The following RBM27 variants were observed in gnomAD, a reference collection of about 807,000 sequenced individuals.
RBM27 encodes RNA binding motif protein 27.
RBM27 carries 22 observed loss-of-function variants against 135.3 expected under a neutral mutation model. The observed-to-expected ratio is 0.16, with a 90% CI of 0.12 to 0.23. The LOEUF is 0.23. RBM27 is among the 10% of genes least tolerant of loss of function. The pLI is 1.00. For missense variants in RBM27, 1,009 were observed against 1,281.0 expected (o/e 0.79, Z 3.24); for synonymous variants, 481 against 442.4 (o/e 1.09, Z -1.10).
At chr5:146,284,782 A>G (rs985386781) in intron 20 of RBM27, 50 bp downstream of exon 20, 4 of 1,155,416 alleles carry the variant, frequency 3.5e-6, no homozygotes, top group African/African-American at 1.6e-5. Context: ...CTTCTCAATT[A>G]TGTATTTTTT....
Position 146,258,445 on chromosome 5 carries a change from A to G in RBM27, c.1595-4A>G, listed in dbSNP as rs202008958. 73 of 1,531,094 alleles carry G rather than the reference A, an allele frequency of 4.8e-5. No individual in the cohort carries two copies. Among genetic ancestry groups the G allele is most frequent in the Admixed American group, 4.6e-4 (21 of 45,768 alleles). 94.8% of individuals were successfully genotyped at this position (1,531,094 alleles called of 1,614,324 possible). On this transcript the variant is annotated splice_polypyrimidine_tract_variant and splice_region_variant and intron_variant, in intron 10 of 20. Coordinates refer to ENST00000265271, the MANE Select transcript of RBM27 (RefSeq NM_018989.2). ...TCAGTAATTTCAATTTTTTTTTCCA[A>G]CAGCTGCTAACATTGTGATCCAGAC...
In RBM27 at chr5:146,262,890, C is replaced by CTTTT. The variant is rs1156565843; in HGVS notation, c.2191-589_2191-586dup. On this transcript the variant is annotated intron_variant, in intron 13 of 20. Coordinates refer to ENST00000265271, the MANE Select transcript of RBM27 (RefSeq NM_018989.2). ...CTAATTCTTTTCTTCTTCTTTTTTCCTTTTTTTTTTTTTTTGAGACAGTCC... is the reference window on the plus strand; with the variant it reads ...CTAATTCTTTTCTTCTTCTTTTTTCCTTTTTTTTTTTTTTTTTTTGAGACAGTCC... Among the ~76,000 whole-genome samples, 319 of 140,502 alleles carry CTTTT rather than the reference C, an allele frequency of 2.3e-3. 2 individuals are homozygous for CTTTT. The highest frequency in any genetic ancestry group is 8.0e-3 in the African/African-American group (307 of 38,540). 92.2% of individuals were successfully genotyped at this position (140,502 alleles called of 152,430 possible).
chr5:146,242,068 G>A (rs932379142), intron 8 of RBM27, among the ~76,000 whole-genome samples: 5 of 151,980 alleles, frequency 3.3e-5, no homozygotes, highest in African/African-American at 1.2e-4. Flanking sequence ...GGGATCACGG[G>A]TGTGAGCCAT....
intron 19 of RBM27, among the ~76,000 whole-genome samples, chr5:146,279,985 T>G (rs1227950840): frequency 1.3e-5 from 2 of 152,072 alleles, no homozygotes; most frequent in African/African-American, 4.8e-5. Flanking sequence ...TGTGATCGTA[T>G]TATACATACA....
intron 3 of RBM27, among the ~76,000 whole-genome samples, chr5:146,227,863 C>T (rs1278891437): frequency 6.6e-6 from 1 of 152,156 alleles, no homozygotes; most frequent in Non-Finnish European, 1.5e-5. Context: ...ACCATTTTTC[C>T]ATAGTTTACA....
chr5:146,273,200 A>T (rs1387910373), intron 19 of RBM27, among the ~76,000 whole-genome samples: 1 of 152,200 alleles, frequency 6.6e-6, no homozygotes, highest in African/African-American at 2.4e-5. Context: ...GTTACAAAAA[A>T]TAGTTAATCT....
chr5:146,232,761 G>T (rs1756992111), intron 6 of RBM27, among the ~76,000 whole-genome samples: 1 of 152,098 alleles, frequency 6.6e-6, no homozygotes, highest in Non-Finnish European at 1.5e-5. Flanking sequence ...TAGAGACGGG[G>T]TTTCACCATG....
At chr5:146,260,299 C>CAA (rs765208077) in intron 11 of RBM27, among the ~76,000 whole-genome samples, 1 of 125,406 alleles carries the variant, frequency 8.0e-6, no homozygotes, top group Non-Finnish European at 1.7e-5. Flanking sequence ...ACTCCGTCTA[C>CAA]AAAAAAAAAA....
chr5:146,284,826 G>T, intron 20 of RBM27, 94 bp downstream of exon 20: 1 of 771,444 alleles, frequency 1.3e-6, no homozygotes, highest in Non-Finnish European at 2.0e-6. Context: ...AAAAATGCTG[G>T]GTTTTTCTTT....
rs367744615 is a variant in RBM27, at chr5:146,255,001, A to G, written c.1503A>G (p.Arg501=). 4 of 1,598,464 alleles carry G rather than the reference A, an allele frequency of 2.5e-6. No individual in the cohort carries two copies. Among genetic ancestry groups the G allele is most frequent in the East Asian group, 2.2e-5 (1 of 44,772 alleles). ...CTCCTAGTATTACTAGTTCTGGTAG[A>G]TCTCAGTACAGACAGTTCTTTTCAA... ...PEAPSITSSG[R]SQYRQFFSRT... is the part of the protein sequence containing the mutation. Residue 501 remains arginine, a synonymous_variant, in exon 10 of 21, where the codon AGA becomes AGG. Coordinates refer to ENST00000265271, the MANE Select transcript of RBM27 (RefSeq NM_018989.2).
chr5:146,234,724 A>G (rs1386191732), intron 7 of RBM27, among the ~76,000 whole-genome samples: 1 of 152,064 alleles, frequency 6.6e-6, no homozygotes, highest in Non-Finnish European at 1.5e-5. Context: ...CTGCTTGAAG[A>G]CTTTTAACAT....
In RBM27 at chr5:146,203,841, G is replaced by A; in HGVS notation, c.59+17G>A. On this transcript the variant is annotated intron_variant, in intron 1 of 20. Coordinates refer to ENST00000265271, the MANE Select transcript of RBM27 (RefSeq NM_018989.2). ...GGAGCCGATGTGAGTGAGCCGGGCT[G>A]GGCCGGGGCCGGCGAACGTGGGCGT... 6.5e-7 allele frequency: 1 copy of A among 1,545,836 alleles called. No individual in the cohort carries two copies.
chr5:146,259,845 C>T (rs1466636627), intron 11 of RBM27, among the ~76,000 whole-genome samples: 12 of 150,122 alleles, frequency 8.0e-5, no homozygotes, highest in East Asian at 2.0e-4. Flanking sequence ...CAGTGGCGGG[C>T]GCCTGTAGTC....
intron 8 of RBM27, chr5:146,245,216 G>A (rs975586272): frequency 2.0e-5 from 3 of 151,640 alleles, no homozygotes; most frequent in African/African-American, 4.8e-5. Flanking sequence ...GGAGACCAGA[G>A]AACTTGCTAG....
intron 1 of RBM27, among the ~76,000 whole-genome samples, chr5:146,209,645 A>G (rs915752715): frequency 6.6e-6 from 1 of 152,192 alleles, no homozygotes; most frequent in Non-Finnish European, 1.5e-5. Context: ...AGGAAAAATA[A>G]TTATCTAGCA....
At chr5:146,204,198 C>T (rs1472505622) in intron 1 of RBM27, among the ~76,000 whole-genome samples, 2 of 151,908 alleles carry the variant, frequency 1.3e-5, no homozygotes, top group Admixed American at 1.3e-4. Context: ...ATTGAGATGT[C>T]GAAGGGAATA....
rs1366367452 is a variant in RBM27 at position 146,284,675 on chromosome 5, C to A, written c.3042C>A (p.His1014Gln). Residue 1014 changes from histidine (H) to glutamine (Q), a missense_variant, in exon 20 of 21, where the codon CAC (histidine) becomes CAA (glutamine). His to Gln is a conservative substitution (Grantham distance 24). Around this residue, in one of 6 missense-constraint regions of RBM27, gnomAD observed 355 missense variants for 427.3 expected, o/e 0.83. Coordinates refer to ENST00000265271, the MANE Select transcript of RBM27 (RefSeq NM_018989.2). ...ACCGTCGGCTACAGATATCATGGCA[C>A]AAGCCCAAGGTACCATCTATATCCA... ...FKDRRLQISWHKPKVPSISTE... is the reference protein window; with the variant it reads ...FKDRRLQISWQKPKVPSISTE... The A allele has an allele frequency of 6.2e-7, 1 of 1,613,490 alleles. No homozygotes were observed. The highest frequency in any genetic ancestry group is 1.3e-5 in the African/African-American group (1 of 74,996).
chr5:146,217,859 A>T (rs1756280459), intron 1 of RBM27, among the ~76,000 whole-genome samples: 1 of 151,856 alleles, frequency 6.6e-6, no homozygotes, highest in African/African-American at 2.4e-5. Flanking sequence ...CCCAGCCTCA[A>T]GCATCCTCCC....
At position 146,241,286 on chromosome 5, in the gene RBM27, G is replaced by C. The variant is rs577867305; in HGVS notation, c.1279+3854G>C. Among the ~76,000 whole-genome samples, 21 of 152,196 alleles carry C rather than the reference G, an allele frequency of 1.4e-4. 1 individual carries two copies. The East Asian group carries it at 3.5e-3, about 25-fold the overall frequency. The stretch of plus-strand genomic sequence containing the variant: ...TCTGGCAGTTACCATTTATTTCAGT[G>C]ACTTAGCTTAATAAATAAATTAATT... On this transcript the variant is annotated intron_variant, in intron 8 of 20. Transcript: ENST00000265271.
Sources: gnomAD v4.1 joint callset for allele counts (sites outside exome capture counted in the v4.1 genomes callset) on GRCh38, gnomAD v4.1.1 for gene constraint, gnomAD v4.1.1 regional missense constraint, MANE v1.5 for transcripts, NCBI Gene and HGNC (gene_info 2026-07-23, HGNC 2026-07-21) for gene names.